CDK14: variants seen among roughly 807,000 people sequenced by gnomAD.
CDK14 encodes the protein cyclin dependent kinase 14.
CDK14 carries 34 observed loss-of-function variants against 60.7 expected under a neutral mutation model. The observed-to-expected ratio is 0.56, with a 90% CI of 0.43 to 0.75. CDK14 has a LOEUF of 0.75. Among genes scored for constraint, CDK14 ranks in the 30% least tolerant of loss-of-function variants. CDK14 has a pLI of 0.00. For synonymous variants in CDK14, 197 were observed against 203.7 expected (o/e 0.97, Z 0.28); for missense variants, 482 against 564.1 (o/e 0.85, Z 1.47).
intron 2 of CDK14, among the ~76,000 whole-genome samples, chr7:90,605,017 G>T (rs953521014): frequency 4.6e-5 from 7 of 152,144 alleles, no homozygotes; most frequent in African/African-American, 9.7e-5. Flanking sequence ...TAGGAACATG[G>T]GTGTTATCTA....
chr7:90,775,625 C>CCCCCTCCCCTTCCCCTCCCCCTT (rs1804996692), intron 4 of CDK14, among the ~76,000 whole-genome samples: 2 of 49,544 alleles, frequency 4.0e-5, no homozygotes, highest in African/African-American at 7.8e-5. Context: ...ACCTCCTCCT[C>CCCCCTCCCCTTCCCCTCCCCCTT]CCCCTCCCCC....
At chr7:91,183,775 C>G (rs1802079508) in intron 14 of CDK14, among the ~76,000 whole-genome samples, 1 of 152,174 alleles carries the variant, frequency 6.6e-6, no homozygotes, top group South Asian at 2.1e-4. Context: ...TAAAATCTAC[C>G]CCCAAAGTCT....
chr7:91,098,975 A>T (rs1463796015), intron 12 of CDK14, among the ~76,000 whole-genome samples: 1 of 152,116 alleles, frequency 6.6e-6, no homozygotes, highest in Non-Finnish European at 1.5e-5. Flanking sequence ...ATAAACTTTG[A>T]AGAGGTTTGT....
Position 90,979,512 on chromosome 7 carries a change from A to G in CDK14, c.948-4636A>G, listed in dbSNP as rs144336339. 5.9e-5 allele frequency: 9 copies of G among 152,320 alleles called. No homozygotes were observed. In the East Asian group the frequency reaches 1.7e-3, roughly 29 times the overall value. The allele number at this position is 152,320 out of a possible 1,614,324, so 9.4% of individuals were successfully genotyped here. ...TCTCATGCTCAAGGAACTGTGTAAA[A>G]TGGAATACGTTATAATTACTGTGTT... is the stretch of plus-strand genomic sequence containing the variant. On this transcript the variant is annotated intron_variant, in intron 9 of 14. Coordinates refer to ENST00000380050, the MANE Select transcript of CDK14 (RefSeq NM_001287135.2).
chr7:90,733,838 C>T (rs1262139329), intron 3 of CDK14, among the ~76,000 whole-genome samples: 3 of 152,042 alleles, frequency 2.0e-5, no homozygotes, highest in African/African-American at 7.2e-5. Context: ...GGTGTGAATT[C>T]GATCGTGTTA....
intron 2 of CDK14, among the ~76,000 whole-genome samples, chr7:90,703,191 C>A (rs989699012): frequency 1.3e-5 from 2 of 152,030 alleles, no homozygotes; most frequent in Non-Finnish European, 2.9e-5. Flanking sequence ...TGCCATTTGC[C>A]TTTCTTCTTG....
At chr7:91,192,793 G>T (rs1802408302) in intron 14 of CDK14, among the ~76,000 whole-genome samples, 1 of 152,060 alleles carries the variant, frequency 6.6e-6, no homozygotes, top group Admixed American at 6.5e-5. Context: ...AGAAGAAAAA[G>T]AATGGAAAGT....
At position 90,916,814 on chromosome 7, in the gene CDK14, T is replaced by G. The variant is rs566358056; in HGVS notation, c.703-787T>G. Among the ~76,000 whole-genome samples, 6 of 152,352 alleles carry G rather than the reference T, an allele frequency of 3.9e-5. No individual in the cohort carries two copies. In the East Asian group the frequency reaches 1.2e-3, roughly 29 times the overall value. Reference sequence around the variant, plus strand: ...TGGGAAGCCTAGTGAATCACACTTTTTTGTTATCAAAATAGAAACATTTGG... The same window carrying G: ...TGGGAAGCCTAGTGAATCACACTTTGTTGTTATCAAAATAGAAACATTTGG... On this transcript the variant is annotated intron_variant, in intron 7 of 14. Transcript: ENST00000380050.
intron 2 of CDK14, among the ~76,000 whole-genome samples, chr7:90,708,483 T>C (rs1801949510): frequency 6.6e-6 from 1 of 152,204 alleles, no homozygotes; most frequent in African/African-American, 2.4e-5. Flanking sequence ...GATGAAAGTA[T>C]GTAATATTTG....
intron 4 of CDK14, among the ~76,000 whole-genome samples, chr7:90,763,745 C>T (rs1804425582): frequency 1.3e-5 from 2 of 152,028 alleles, no homozygotes; most frequent in African/African-American, 4.8e-5. Context: ...AGCAAACCAA[C>T]ACAGCACATG....
chr7:91,007,401 A>G (rs1228999450), intron 10 of CDK14, among the ~76,000 whole-genome samples: 1 of 152,248 alleles, frequency 6.6e-6, no homozygotes, highest in African/African-American at 2.4e-5. Flanking sequence ...TACACTGTGC[A>G]TAGTCAGGTG....
chr7:90,705,803 A>AC (rs980240306), intron 2 of CDK14, among the ~76,000 whole-genome samples: 4 of 151,706 alleles, frequency 2.6e-5, no homozygotes, highest in African/African-American at 9.7e-5. Flanking sequence ...AAGCAGAAGA[A>AC]CACTTAGATG....
intron 4 of CDK14, among the ~76,000 whole-genome samples, chr7:90,760,671 A>G (rs1006223986): frequency 2.6e-5 from 4 of 152,230 alleles, no homozygotes; most frequent in African/African-American, 9.6e-5. Context: ...TAACTGCACT[A>G]TTTAATCAAT....
At chr7:90,847,265 A>G (rs1294784829) in intron 5 of CDK14, among the ~76,000 whole-genome samples, 1 of 152,332 alleles carries the variant, frequency 6.6e-6, no homozygotes, top group East Asian at 1.9e-4. Context: ...CCGAGGTTAG[A>G]TAATCACAAA....
intron 4 of CDK14, among the ~76,000 whole-genome samples, chr7:90,764,276 A>G (rs1430762497): frequency 2.6e-5 from 4 of 152,240 alleles, no homozygotes; most frequent in African/African-American, 7.2e-5. Context: ...CTAAAATTCA[A>G]ATGACCTACT....
chr7:90,629,632 G>C (rs1302709644), intron 2 of CDK14, among the ~76,000 whole-genome samples: 3 of 152,208 alleles, frequency 2.0e-5, no homozygotes. Context: ...GTACAGAACA[G>C]CTAACTAAGT....
intron 12 of CDK14, among the ~76,000 whole-genome samples, chr7:91,090,503 C>T (rs905587146): frequency 2.6e-5 from 4 of 151,926 alleles, no homozygotes; most frequent in Non-Finnish European, 5.9e-5. Context: ...TTTAAATAAC[C>T]ACATGTGGCT....
intron 7 of CDK14, among the ~76,000 whole-genome samples, chr7:90,903,957 C>T (rs984267546): frequency 6.6e-6 from 1 of 152,138 alleles, no homozygotes; most frequent in Non-Finnish European, 1.5e-5. Context: ...TCCTGACTCT[C>T]CCTATGTCCC....
chr7:90,763,668 G>A (rs1490497661), intron 4 of CDK14, among the ~76,000 whole-genome samples: 1 of 151,640 alleles, frequency 6.6e-6, no homozygotes, highest in Non-Finnish European at 1.5e-5. Context: ...CCTGTCGTGG[G>A]GTGGGGGGAT....
Sources: gnomAD v4.1 joint callset for allele counts (sites outside exome capture counted in the v4.1 genomes callset) on GRCh38, gnomAD v4.1.1 for gene constraint, MANE v1.5 for transcripts, NCBI Gene and HGNC (gene_info 2026-07-23, HGNC 2026-07-21) for gene names.